Variants in AUTS2 observed in about 807,000 individuals in gnomAD.
The protein encoded by AUTS2 is autism susceptibility gene 2 protein.
AUTS2 carries 17 observed loss-of-function variants against 112.4 expected under a neutral mutation model. The observed-to-expected ratio is 0.15, with a 90% CI of 0.10 to 0.23. The LOEUF (loss-of-function observed/expected upper bound fraction) is 0.23, where lower values mean the gene tolerates loss of function less well. Ranked by LOEUF, AUTS2 falls within the 10% of genes least tolerant of loss-of-function variation. The probability of loss-of-function intolerance (pLI) is 1.00; values close to 1 mark genes in which losing one functional copy is unlikely to be tolerated. For missense variants in AUTS2, 1,510 were observed against 1,701.6 expected (o/e 0.89, Z 1.98); for synonymous variants, 751 against 702.7 (o/e 1.07, Z -1.09).
At chr7:69,850,211 A>T (rs1180850040) in intron 1 of AUTS2, among the ~76,000 whole-genome samples, 3 of 151,722 alleles carry the variant, frequency 2.0e-5, no homozygotes, top group Non-Finnish European at 4.4e-5. Flanking sequence ...AGGAAGGAGA[A>T]TAGCTTGAAC....
chr7:70,141,817 C>CT (rs1210702535), intron 4 of AUTS2, among the ~76,000 whole-genome samples: 1 of 152,132 alleles, frequency 6.6e-6, no homozygotes. Flanking sequence ...GCAGACACAC[C>CT]TTGACTAAAT....
intron 2 of AUTS2, among the ~76,000 whole-genome samples, chr7:70,092,770 T>C (rs1276650431): frequency 6.6e-6 from 1 of 152,186 alleles, no homozygotes; most frequent in Admixed American, 6.5e-5. Flanking sequence ...AGCTGCGGTT[T>C]TGGATGCCTT....
At chr7:70,728,250 A>G (rs571065269) in intron 6 of AUTS2, among the ~76,000 whole-genome samples, 9 of 152,344 alleles carry the variant, frequency 5.9e-5, no homozygotes, top group East Asian at 1.9e-4. Context: ...CTTAAAGCAT[A>G]TAATTCTTTT....
chr7:70,443,075 A>G (rs1217258850), intron 5 of AUTS2, among the ~76,000 whole-genome samples: 3 of 152,216 alleles, frequency 2.0e-5, no homozygotes, highest in Non-Finnish European at 2.9e-5. Context: ...CTGAACATGT[A>G]TGTACAATAA....
intron 4 of AUTS2, among the ~76,000 whole-genome samples, chr7:70,183,066 C>A (rs1809404703): frequency 1.3e-5 from 2 of 152,228 alleles, no homozygotes; most frequent in South Asian, 2.1e-4. Flanking sequence ...TAAATTATAT[C>A]AAAAATAGTC....
chr7:70,278,611 A>G (rs1298026640), intron 4 of AUTS2, among the ~76,000 whole-genome samples: 3 of 147,412 alleles, frequency 2.0e-5, no homozygotes, highest in African/African-American at 7.4e-5. Flanking sequence ...ACATACATAC[A>G]TACATACATA....
chr7:70,464,435 A>C (rs184796604), intron 5 of AUTS2, among the ~76,000 whole-genome samples: 3 of 152,368 alleles, frequency 2.0e-5, no homozygotes, highest in Admixed American at 2.0e-4. Flanking sequence ...AGCACTTCAC[A>C]TAAACCAAGT....
intron 4 of AUTS2, among the ~76,000 whole-genome samples, chr7:70,406,168 C>T (rs117946693): frequency 0.01 from 1,598 of 152,310 alleles, 12 homozygotes; most frequent in Middle Eastern, 0.017. Context: ...CTGTCTCCCT[C>T]CCTTGCCAGG....
chr7:70,707,768 C>G (rs1371436342), intron 6 of AUTS2, among the ~76,000 whole-genome samples: 1 of 152,166 alleles, frequency 6.6e-6, no homozygotes, highest in East Asian at 1.9e-4. Context: ...CTCCAGTTTC[C>G]TCGCTCTTCC....
rs749670592 is a variant in AUTS2 at position 70,766,076 on chromosome 7, G to A, written c.1469-38G>A. ...AGGCAGTCCGATGTCCTTTTCTGAA[G>A]GAAAAGGCGTCATCGTCTCCCTCTT... On this transcript the variant is annotated intron_variant, in intron 8 of 18. Transcript: ENST00000342771. The surrounding 1 kb of genome is among the most constrained non-coding windows in gnomAD (Gnocchi z 4.8). The A allele has an allele frequency of 1.4e-5, 23 of 1,596,046 alleles. No individual in the cohort carries two copies. Among genetic ancestry groups the A allele is most frequent in the South Asian group, 1.1e-5 (1 of 88,854 alleles).
chr7:70,450,613 G>A (rs1213828643), intron 5 of AUTS2, among the ~76,000 whole-genome samples: 1 of 152,218 alleles, frequency 6.6e-6, no homozygotes, highest in Non-Finnish European at 1.5e-5. Flanking sequence ...TGCACGGCAA[G>A]ATGAGAGTTT....
At chr7:69,952,243 G>T (rs1419373603) in intron 2 of AUTS2, among the ~76,000 whole-genome samples, 2 of 151,904 alleles carry the variant, frequency 1.3e-5, no homozygotes, top group African/African-American at 4.8e-5. Flanking sequence ...CATACTTTTT[G>T]TCATAAAGAT....
At chr7:69,881,352 A>G (rs1794035990) in intron 1 of AUTS2, among the ~76,000 whole-genome samples, 1 of 146,252 alleles carries the variant, frequency 6.8e-6, no homozygotes, top group Non-Finnish European at 1.5e-5. Flanking sequence ...GGTGTTCCCT[A>G]AAAGAATCCA....
At chr7:70,776,736 A>G (rs934959620) in intron 13 of AUTS2, 2 of 344,674 alleles carry the variant, frequency 5.8e-6, no homozygotes, top group Admixed American at 4.5e-5. Context: ...GCATTATAGC[A>G]TGGCAACATT....
chr7:70,789,546 A>G (rs6971763), intron 18 of AUTS2, among the ~76,000 whole-genome samples: 1 of 151,884 alleles, frequency 6.6e-6, no homozygotes, highest in South Asian at 2.1e-4. Flanking sequence ...CATCTCCCCC[A>G]TTAAGCTTCC....
intron 2 of AUTS2, among the ~76,000 whole-genome samples, chr7:70,040,309 G>T (rs949306865): frequency 5.3e-5 from 8 of 152,294 alleles, no homozygotes; most frequent in African/African-American, 1.9e-4. Context: ...GGGACAGGAA[G>T]TACATGGGAA....
At chr7:70,560,025 G>A (rs1050218004) in intron 5 of AUTS2, among the ~76,000 whole-genome samples, 3 of 152,160 alleles carry the variant, frequency 2.0e-5, no homozygotes, top group African/African-American at 7.2e-5. Flanking sequence ...CCACTACTCT[G>A]CTCCAGTCAC....
At chr7:70,786,093 C>A in intron 17 of AUTS2, 55 bp downstream of exon 17, 1 of 1,461,572 alleles carries the variant, frequency 6.8e-7, no homozygotes, top group South Asian at 1.1e-5. Context: ...TCCTGTGATC[C>A]GCATATGGCT....
chr7:69,892,728 G>C (rs1243574210), intron 1 of AUTS2, among the ~76,000 whole-genome samples: 1 of 152,030 alleles, frequency 6.6e-6, no homozygotes, highest in Non-Finnish European at 1.5e-5. Context: ...GAAATTTTAT[G>C]GTTTTAGGTT....
Sources: gnomAD v4.1 joint callset for allele counts (sites outside exome capture counted in the v4.1 genomes callset) on GRCh38, gnomAD v4.1.1 for gene constraint, Gnocchi (gnomAD v3.1) non-coding constraint, MANE v1.5 for transcripts, NCBI Gene and HGNC (gene_info 2026-07-23, HGNC 2026-07-21) for gene names.